TNKS: variants seen among roughly 807,000 people sequenced by gnomAD.
TNKS encodes tankyrase.
TNKS carries 72 observed loss-of-function variants against 135.8 expected under a neutral mutation model. That is an observed-to-expected ratio of 0.53 (90% confidence interval 0.44 to 0.64). The LOEUF is 0.64. Ranked by LOEUF, TNKS falls within the 30% of genes least tolerant of loss-of-function variation. The pLI is 0.00. For synonymous variants in TNKS, 849 were observed against 649.3 expected, an observed-to-expected ratio of 1.31 and a Z score of -4.68; for missense variants, 1,769 against 1,674.0, an observed-to-expected ratio of 1.06 and a Z score of -0.99.
intron 3 of TNKS, among the ~76,000 whole-genome samples, chr8:9,669,447 A>T (rs1167883952): frequency 6.7e-6 from 1 of 149,868 alleles, no homozygotes; most frequent in African/African-American, 2.5e-5. Flanking sequence ...AAAAAAAAGA[A>T]TGGAAAAAAG....
chr8:9,671,334 A>G (rs1243752658), intron 3 of TNKS: 2 of 152,140 alleles, frequency 1.3e-5, no homozygotes, highest in Non-Finnish European at 2.9e-5. Flanking sequence ...TAATCACCCA[A>G]AGACATTTGG....
intron 18 of TNKS, among the ~76,000 whole-genome samples, chr8:9,750,228 C>T (rs938493332): frequency 5.9e-5 from 9 of 152,154 alleles, no homozygotes; most frequent in Non-Finnish European, 8.8e-5. Flanking sequence ...CCTGTCAGCA[C>T]GCTGGATTTG....
At chr8:9,600,325 G>A (rs1229173014) in intron 2 of TNKS, among the ~76,000 whole-genome samples, 1 of 152,100 alleles carries the variant, frequency 6.6e-6, no homozygotes, top group Non-Finnish European at 1.5e-5. Context: ...AAGTTGTGGG[G>A]TTTTTTGAGA....
At chr8:9,644,765 C>G (rs1800854030) in intron 3 of TNKS, among the ~76,000 whole-genome samples, 2 of 152,206 alleles carry the variant, frequency 1.3e-5, no homozygotes, top group Admixed American at 6.5e-5. Context: ...GTTAGTTTGA[C>G]CTTGGTTTTT....
chr8:9,675,235 C>G (rs1385573954), intron 3 of TNKS, among the ~76,000 whole-genome samples: 1 of 152,078 alleles, frequency 6.6e-6, no homozygotes, highest in Non-Finnish European at 1.5e-5. Context: ...AATATATAAC[C>G]TAAATTAATA....
intron 2 of TNKS, among the ~76,000 whole-genome samples, chr8:9,583,384 T>C (rs1469761819): frequency 1.3e-5 from 2 of 152,160 alleles, no homozygotes; most frequent in Non-Finnish European, 2.9e-5. Flanking sequence ...ACTTCAGAAA[T>C]CAATACATTT....
At chr8:9,606,126 G>T (rs773088756) in intron 2 of TNKS, among the ~76,000 whole-genome samples, 2 of 98,998 alleles carry the variant, frequency 2.0e-5, no homozygotes, top group Non-Finnish European at 4.2e-5. Flanking sequence ...TAATGTGTTT[G>T]TGTGGTGTGC....
At chr8:9,721,765 C>G (rs986017726) in intron 12 of TNKS, among the ~76,000 whole-genome samples, 8 of 152,060 alleles carry the variant, frequency 5.3e-5, no homozygotes, top group Admixed American at 6.5e-5. Flanking sequence ...ATAAAACGCC[C>G]TAACTAGATC....
At chr8:9,622,897 A>G (rs1799917994) in intron 3 of TNKS, among the ~76,000 whole-genome samples, 1 of 152,244 alleles carries the variant, frequency 6.6e-6, no homozygotes, top group African/African-American at 2.4e-5. Flanking sequence ...AACCACAGAT[A>G]GTACTGAACC....
intron 20 of TNKS, among the ~76,000 whole-genome samples, chr8:9,759,218 C>T (rs1218140791): frequency 6.6e-6 from 1 of 152,210 alleles, no homozygotes; most frequent in African/African-American, 2.4e-5. Flanking sequence ...ATCATTGAGT[C>T]TGTCTGCCAT....
intron 5 of TNKS, among the ~76,000 whole-genome samples, chr8:9,697,096 A>C (rs1232322325): frequency 6.6e-6 from 1 of 152,156 alleles, no homozygotes; most frequent in African/African-American, 2.4e-5. Context: ...TGATACAAAA[A>C]ACAGACACGT....
rs117344242 is a variant in TNKS, at chr8:9,604,380, C to G, written c.899-11202C>G. Among the ~76,000 whole-genome samples the G allele has an allele frequency of 3.6e-4, 54 of 152,106 alleles. No individual in the cohort carries two copies. In the East Asian group the frequency reaches 0.01, roughly 28 times the overall value. On this transcript the variant is annotated intron_variant, in intron 2 of 26. Coordinates refer to ENST00000310430, the MANE Select transcript of TNKS (RefSeq NM_003747.3). ...TGATATCACCAAACTTCAATCTATT[C>G]CAAGAATAGGAATATGGGGTTTTTA...
intron 11 of TNKS, among the ~76,000 whole-genome samples, chr8:9,717,072 A>ATATATATATATATATCTATATAT: frequency 1.3e-5 from 1 of 79,456 alleles, no homozygotes; most frequent in South Asian, 5.5e-4. Flanking sequence ...GTTGTATTAT[A>ATATATATATATATATCTATATAT]ATATATATAT....
intron 3 of TNKS, among the ~76,000 whole-genome samples, chr8:9,634,776 A>G (rs1250505254): frequency 6.6e-6 from 1 of 152,158 alleles, no homozygotes; most frequent in Non-Finnish European, 1.5e-5. Flanking sequence ...TGGTTTCTAC[A>G]TGCCGTTTAT....
chr8:9,653,091 A>G (rs1031648212), intron 3 of TNKS, among the ~76,000 whole-genome samples: 5 of 152,182 alleles, frequency 3.3e-5, no homozygotes, highest in African/African-American at 1.2e-4. Context: ...TTAGGATGAA[A>G]GTCATAAAGT....
chr8:9,579,257 C>T (rs1295982143), intron 1 of TNKS, among the ~76,000 whole-genome samples: 4 of 152,142 alleles, frequency 2.6e-5, no homozygotes, highest in African/African-American at 4.8e-5. Flanking sequence ...TGAATTGTTC[C>T]AGTTCACCAC....
At chr8:9,687,425 G>C (rs1803054050) in intron 5 of TNKS, among the ~76,000 whole-genome samples, 1 of 152,096 alleles carries the variant, frequency 6.6e-6, no homozygotes, top group Non-Finnish European at 1.5e-5. Context: ...GGGATATATT[G>C]TATAAAATCT....
chr8:9,688,551 T>A (rs572218749), intron 5 of TNKS, among the ~76,000 whole-genome samples: 1 of 152,350 alleles, frequency 6.6e-6, no homozygotes, highest in African/African-American at 2.4e-5. Context: ...GAAATTTATT[T>A]CTCACAGTTC....
chr8:9,629,265 A>T (rs866140507), intron 3 of TNKS, among the ~76,000 whole-genome samples: 5 of 152,212 alleles, frequency 3.3e-5, no homozygotes, highest in African/African-American at 1.2e-4. Context: ...GTACATTCTG[A>T]TGCAGACTCC....
Sources: gnomAD v4.1 joint callset for allele counts (sites outside exome capture counted in the v4.1 genomes callset) on GRCh38, gnomAD v4.1.1 for gene constraint, MANE v1.5 for transcripts, NCBI Gene and HGNC (gene_info 2026-07-23, HGNC 2026-07-21) for gene names.